The following CNTLN variants were observed in gnomAD, a reference collection of about 807,000 sequenced individuals.
CNTLN encodes centlein, also known as centlein, centrosomal protein.
A neutral mutation model predicts 180.0 loss-of-function variants in CNTLN; 212 were observed. The observed-to-expected ratio is 1.18, with a 90% confidence interval of 1.05 to 1.32. CNTLN has a LOEUF of 1.32. CNTLN is among the 40% of genes most tolerant of loss of function. The pLI, the probability that CNTLN is intolerant of heterozygous loss-of-function variation, is 0.00. For synonymous variants in CNTLN, 722 were observed against 563.1 expected, an observed-to-expected ratio of 1.28 and a Z score of -3.99; for missense variants, 2,095 against 1,610.9, an observed-to-expected ratio of 1.30 and a Z score of -5.14.
chr9:17,296,134 C>G (rs1294038445), intron 6 of CNTLN, among the ~76,000 whole-genome samples: 3 of 151,670 alleles, frequency 2.0e-5, no homozygotes, highest in Non-Finnish European at 4.4e-5. Context: ...TCCTGAGTAG[C>G]TGGAACTACA....
intron 12 of CNTLN, among the ~76,000 whole-genome samples, chr9:17,351,035 G>A (rs1402053678): frequency 6.6e-6 from 1 of 152,140 alleles, no homozygotes; most frequent in African/African-American, 2.4e-5. Flanking sequence ...AAATAACCAG[G>A]AGGTAACTAA....
At chr9:17,358,360 G>T (rs990101762) in intron 12 of CNTLN, among the ~76,000 whole-genome samples, 1 of 151,948 alleles carries the variant, frequency 6.6e-6, no homozygotes, top group Non-Finnish European at 1.5e-5. Context: ...AAAGAAGAAA[G>T]TTGAATAACA....
chr9:17,164,952 C>T (rs1458253101), intron 2 of CNTLN, among the ~76,000 whole-genome samples: 2 of 151,020 alleles, frequency 1.3e-5, no homozygotes, highest in Non-Finnish European at 2.9e-5. Flanking sequence ...TCTCCTGCCT[C>T]AGCCTCCCAA....
chr9:17,452,631 C>A (rs1250035060), intron 18 of CNTLN, among the ~76,000 whole-genome samples: 1 of 152,086 alleles, frequency 6.6e-6, no homozygotes, highest in Non-Finnish European at 1.5e-5. Flanking sequence ...TATTTATAAC[C>A]TTTTTCTTAC....
At chr9:17,361,591 T>C (rs541137334) in intron 12 of CNTLN, among the ~76,000 whole-genome samples, 2 of 152,348 alleles carry the variant, frequency 1.3e-5, no homozygotes, top group East Asian at 3.9e-4. Flanking sequence ...TTTCTTTAGC[T>C]TTTTTCCACT....
At chr9:17,271,020 G>C (rs1827903598) in intron 5 of CNTLN, among the ~76,000 whole-genome samples, 1 of 135,106 alleles carries the variant, frequency 7.4e-6, no homozygotes, top group African/African-American at 2.9e-5. Flanking sequence ...GCTCAATCTT[G>C]GCTCACTGCA....
Position 17,377,402 on chromosome 9 carries a change from G to A in CNTLN, c.1987+10685G>A, listed in dbSNP as rs116152235. On this transcript the variant is annotated intron_variant, in intron 13 of 25. Transcript: ENST00000380647. ...CTAAAAATACAGAAATTAGCCGGGC[G>A]TAGTGGTGCGTGCTTGTAATCCCAG... is the stretch of plus-strand genomic sequence containing the variant. Among the ~76,000 whole-genome samples, 764 of 152,200 alleles carry A rather than the reference G, an allele frequency of 5.0e-3. 5 individuals are homozygous for A. The highest frequency in any genetic ancestry group is 0.018 in the African/African-American group (732 of 41,536).
chr9:17,474,085 TCG>T (rs1405438117), intron 23 of CNTLN, among the ~76,000 whole-genome samples: 4 of 152,118 alleles, frequency 2.6e-5, no homozygotes, highest in African/African-American at 9.7e-5. Flanking sequence ...TTATCTATAC[TCG>T]CTCTCTAGAC....
intron 5 of CNTLN, 74 bp downstream of exon 5, chr9:17,236,662 T>G (rs1825165060): frequency 6.6e-6 from 8 of 1,208,798 alleles, no homozygotes; most frequent in Non-Finnish European, 9.3e-6. Flanking sequence ...ACATGTTATT[T>G]TCTTTAACAA....
intron 18 of CNTLN, among the ~76,000 whole-genome samples, chr9:17,439,709 T>C (rs1829995125): frequency 6.6e-6 from 1 of 152,178 alleles, no homozygotes; most frequent in South Asian, 2.1e-4. Context: ...TAACCCCCAA[T>C]GTGATCATTT....
At chr9:17,445,192 G>T (rs1240401085) in intron 18 of CNTLN, among the ~76,000 whole-genome samples, 5 of 151,908 alleles carry the variant, frequency 3.3e-5, no homozygotes, top group Admixed American at 3.3e-4. Flanking sequence ...TTTTTATAGG[G>T]TATATTTATA....
intron 2 of CNTLN, among the ~76,000 whole-genome samples, chr9:17,153,738 C>T (rs1227744864): frequency 6.6e-6 from 1 of 152,166 alleles, no homozygotes; most frequent in Non-Finnish European, 1.5e-5. Flanking sequence ...GGATAATATC[C>T]TGAAGAGTGT....
intron 8 of CNTLN, among the ~76,000 whole-genome samples, chr9:17,326,198 T>C (rs1820278655): frequency 6.6e-6 from 1 of 152,072 alleles, no homozygotes; most frequent in South Asian, 2.1e-4. Flanking sequence ...AGCCGTGTAG[T>C]CAGTCCACGA....
intron 5 of CNTLN, among the ~76,000 whole-genome samples, chr9:17,265,349 A>C (rs1023622714): frequency 6.6e-6 from 1 of 152,084 alleles, no homozygotes; most frequent in African/African-American, 2.4e-5. Flanking sequence ...ACACTTATTG[A>C]TTTGCGTATG....
intron 6 of CNTLN, among the ~76,000 whole-genome samples, chr9:17,287,237 A>T (rs1829043098): frequency 6.6e-6 from 1 of 151,786 alleles, no homozygotes. Flanking sequence ...ATTTTGTCAA[A>T]GGCTTTTTCT....
intron 23 of CNTLN, among the ~76,000 whole-genome samples, chr9:17,482,404 C>G (rs546831709): frequency 6.6e-6 from 1 of 151,966 alleles, no homozygotes; most frequent in South Asian, 2.1e-4. Flanking sequence ...TAAACTAGAT[C>G]TATAAAGAGA....
chr9:17,364,048 T>C (rs1038568865), intron 12 of CNTLN, among the ~76,000 whole-genome samples: 2 of 152,172 alleles, frequency 1.3e-5, no homozygotes, highest in South Asian at 4.1e-4. Flanking sequence ...ATTGTCTCTA[T>C]CTTTGTTGTC....
intron 5 of CNTLN, among the ~76,000 whole-genome samples, chr9:17,270,440 C>G (rs1269241209): frequency 6.6e-6 from 1 of 152,088 alleles, no homozygotes; most frequent in Non-Finnish European, 1.5e-5. Context: ...GTTAAGGCAT[C>G]CTTATATTTC....
Position 17,235,748 on chromosome 9 carries a change from A to C in CNTLN, c.625A>C (p.Ser209Arg), listed in dbSNP as rs775761421. 1 of 1,604,686 alleles carries C rather than the reference A, an allele frequency of 6.2e-7. No homozygotes were observed. Among genetic ancestry groups the C allele is most frequent in the Non-Finnish European group, 8.5e-7 (1 of 1,176,622 alleles). Residue 209 changes from serine to arginine, a missense_variant, in exon 4 of 26, where the codon AGT (serine) becomes CGT (arginine). Transcript: ENST00000380647. ...EENAFLRKEFSDLEKKFKDKS... is the reference protein window; with the variant it reads ...EENAFLRKEFRDLEKKFKDKS... ...AAATGCTTTCTTAAGGAAAGAATTC[A>C]GTGACTTGGAGAAGAAATTTAAAGA...
Sources: gnomAD v4.1 joint callset for allele counts (sites outside exome capture counted in the v4.1 genomes callset) on GRCh38, gnomAD v4.1.1 for gene constraint, MANE v1.5 for transcripts, NCBI Gene and HGNC (gene_info 2026-07-23, HGNC 2026-07-21) for gene names.